RFC1: variants seen among roughly 807,000 people sequenced by gnomAD.
RFC1 encodes replication factor C subunit 1.
Under a neutral mutation model 137.4 loss-of-function variants are expected in RFC1, and 37 were observed. The ratio of observed to expected loss-of-function variants is 0.27; its 90% CI spans 0.21 to 0.35. The LOEUF is 0.35. Ranked by LOEUF, RFC1 falls within the 10% of genes least tolerant of loss-of-function variation. The pLI is 1.00. For synonymous variants in RFC1, 429 were observed against 455.7 expected, an observed-to-expected ratio of 0.94 and a Z score of 0.75; for missense variants, 1,205 against 1,358.5, an observed-to-expected ratio of 0.89 and a Z score of 1.78.
chr4:39,290,881 C>T (rs192805952), intron 23 of RFC1, among the ~76,000 whole-genome samples: 168 of 151,102 alleles, frequency 1.1e-3, no homozygotes, highest in African/African-American at 3.8e-3. Flanking sequence ...CCACAAAACA[C>T]TAGATACCTT....
At chr4:39,330,065 A>T (rs938439773) in intron 4 of RFC1, among the ~76,000 whole-genome samples, 1 of 151,962 alleles carries the variant, frequency 6.6e-6, no homozygotes, top group East Asian at 1.9e-4. Flanking sequence ...ATAAAAGACA[A>T]CCATGAAGAC....
intron 4 of RFC1, among the ~76,000 whole-genome samples, chr4:39,332,683 C>T (rs1054737602): frequency 2.0e-4 from 31 of 152,204 alleles, no homozygotes; most frequent in African/African-American, 7.2e-4. Context: ...AATCTATCCG[C>T]TGAACAGGGA....
chr4:39,318,455 G>A (rs1194597256), intron 9 of RFC1, among the ~76,000 whole-genome samples: 1 of 152,188 alleles, frequency 6.6e-6, no homozygotes, highest in African/African-American at 2.4e-5. Context: ...ATGGTAAACA[G>A]CGTATACAAT....
intron 14 of RFC1, among the ~76,000 whole-genome samples, chr4:39,305,303 AT>A (rs1024352122): frequency 7.9e-5 from 12 of 152,174 alleles, no homozygotes; most frequent in African/African-American, 2.9e-4. Context: ...CAGACACAGA[AT>A]TAATCTAGTA....
Position 39,288,418 on chromosome 4 carries a change from C to G in RFC1, c.*343G>C. 1 of 181,034 alleles carries G rather than the reference C, an allele frequency of 5.5e-6. No individual in the cohort carries two copies. The highest frequency in any genetic ancestry group is 1.1e-5 in the Non-Finnish European group (1 of 87,670). 11.2% of individuals were successfully genotyped at this position (181,034 alleles called of 1,614,324 possible). On this transcript the variant is annotated 3_prime_UTR_variant, in exon 25 of 25. Transcript: ENST00000349703. ...AAATTCTTAAGCCTACAAAAGACGCCTTAGTACTACTGCTCCCAGGCTCAT... is the reference window on the plus strand; with the variant it reads ...AAATTCTTAAGCCTACAAAAGACGCGTTAGTACTACTGCTCCCAGGCTCAT...
At chr4:39,365,324 C>CCCG in intron 1 of RFC1, 3 of 346,156 alleles carry the variant, frequency 8.7e-6, no homozygotes, top group Non-Finnish European at 1.2e-5. Context: ...CGCCCCCCCC[C>CCCG]AGAATGTTGT....
rs1170080912 is a variant in RFC1, at chr4:39,302,396, G to C, written c.2437-20C>G. ...TAAAACCTAAAAGAATCACAAATAA[G>C]ACAACGTCAAGATAGGAAAATCCTG... On this transcript the variant is annotated intron_variant, in intron 18 of 24. Transcript: ENST00000349703. The C allele has an allele frequency of 6.3e-7, 1 of 1,588,258 alleles. No homozygotes were observed. Among genetic ancestry groups the C allele is most frequent in the Non-Finnish European group, 8.6e-7 (1 of 1,156,662 alleles).
chr4:39,304,586 A>G (rs562616382), intron 15 of RFC1, among the ~76,000 whole-genome samples: 3 of 152,336 alleles, frequency 2.0e-5, no homozygotes, highest in South Asian at 4.1e-4. Flanking sequence ...TGAAAAACGA[A>G]TATGTGCATG....
At chr4:39,306,421 T>C (rs754548089) in intron 14 of RFC1, among the ~76,000 whole-genome samples, 171 bp downstream of exon 14, 2 of 152,136 alleles carry the variant, frequency 1.3e-5, no homozygotes, top group African/African-American at 4.8e-5. Flanking sequence ...ATTACAAACA[T>C]CGCCAGAACC....
chr4:39,307,052 G>A (rs751359605), intron 13 of RFC1, among the ~76,000 whole-genome samples: 4 of 152,122 alleles, frequency 2.6e-5, no homozygotes, highest in Non-Finnish European at 4.4e-5. Flanking sequence ...CTCACCAGCC[G>A]TGGGTACTTT....
At chr4:39,311,250 C>G (rs954656067) in intron 12 of RFC1, among the ~76,000 whole-genome samples, 195 bp downstream of exon 12, 2 of 152,082 alleles carry the variant, frequency 1.3e-5, no homozygotes, top group Non-Finnish European at 2.9e-5. Flanking sequence ...TATTCCCTGA[C>G]AAAGATAAGG....
intron 1 of RFC1, among the ~76,000 whole-genome samples, 170 bp downstream of exon 1, chr4:39,366,069 G>T (rs1742011184): frequency 6.6e-6 from 1 of 152,192 alleles, no homozygotes; most frequent in African/African-American, 2.4e-5. Flanking sequence ...GCGATGCAAT[G>T]AAAGTTTTGC....
chr4:39,300,149 G>A lies in RFC1; in HGVS notation c.2691-11C>T. On this transcript the variant is annotated splice_polypyrimidine_tract_variant and intron_variant, in intron 20 of 24. Coordinates refer to ENST00000349703, the MANE Select transcript of RFC1 (RefSeq NM_002913.5). Reference sequence around the variant, plus strand: ...TTTTTCATGTCACCCCTGCAGGAAAGAACCAGTCTGGATTATCCCACTCTC... The same window carrying A: ...TTTTTCATGTCACCCCTGCAGGAAAAAACCAGTCTGGATTATCCCACTCTC... 6.2e-7 allele frequency: 1 copy of A among 1,612,760 alleles called. No homozygotes were observed.
At chr4:39,348,439 G>GAAAAAGA (rs1325305628) in intron 2 of RFC1, among the ~76,000 whole-genome samples, 4 of 107,534 alleles carry the variant, frequency 3.7e-5, no homozygotes, top group Non-Finnish European at 7.8e-5. Flanking sequence ...GAAAAGAAAA[G>GAAAAAGA]AAAAGAAAAG....
intron 4 of RFC1, 36 bp from the exon 5 acceptor site, chr4:39,327,792 C>T (rs1578141947): frequency 3.5e-6 from 5 of 1,443,974 alleles, no homozygotes; most frequent in Non-Finnish European, 4.7e-6. Context: ...TTTTATAAAA[C>T]ATCAATTCGG....
intron 10 of RFC1, among the ~76,000 whole-genome samples, chr4:39,316,409 T>G (rs1260205891): frequency 6.6e-6 from 1 of 152,102 alleles, no homozygotes; most frequent in African/African-American, 2.4e-5. Flanking sequence ...TGCAGGAACA[T>G]CATACATTCT....
chr4:39,288,904 T>C, intron 24 of RFC1, 60 bp from the exon 25 acceptor site: 2 of 1,022,048 alleles, frequency 2.0e-6, no homozygotes, highest in Non-Finnish European at 3.0e-6. Flanking sequence ...ATGAAATAAG[T>C]TCATCTCTAT....
At chr4:39,310,799 T>G (rs1454268202) in intron 12 of RFC1, among the ~76,000 whole-genome samples, 1 of 152,188 alleles carries the variant, frequency 6.6e-6, no homozygotes, top group East Asian at 1.9e-4. Context: ...TAATACCTAT[T>G]AAAATATCCT....
chr4:39,295,568 A>G, intron 22 of RFC1, 46 bp downstream of exon 22: 2 of 1,535,960 alleles, frequency 1.3e-6, no homozygotes, highest in Non-Finnish European at 1.8e-6. Context: ...TAAAGGCCAA[A>G]TACACCAAAT....
Sources: allele counts gnomAD v4.1 joint callset (sites outside exome capture counted in the v4.1 genomes callset), GRCh38; gene constraint gnomAD v4.1.1; transcripts MANE v1.5; gene names NCBI Gene and HGNC (gene_info 2026-07-23, HGNC 2026-07-21).